HAUS7: variants seen among roughly 807,000 people sequenced by gnomAD.
HAUS7 encodes HAUS augmin like complex subunit 7.
A neutral mutation model predicts 28.4 loss-of-function variants in HAUS7; 3 were observed. The observed-to-expected ratio is 0.11, with a 90% CI of 0.05 to 0.27. The LOEUF (loss-of-function observed/expected upper bound fraction) is 0.27, where lower values mean the gene tolerates loss of function less well. HAUS7 is among the 10% of genes least tolerant of loss of function. HAUS7 has a pLI of 1.00. For missense variants in HAUS7, 284 were observed against 297.3 expected, an observed-to-expected ratio of 0.96 and a Z score of 0.33; for synonymous variants, 165 against 132.1, an observed-to-expected ratio of 1.25 and a Z score of -1.71.
chrX:153,493,693 G>T (rs1380425321), intron 1 of HAUS7, among the ~76,000 whole-genome samples: 1 of 111,345 alleles, frequency 9.0e-6, no homozygotes, highest in African/African-American at 3.3e-5. Context: ...TGCGTCCCAG[G>T]TCCTAGCCAG....
intron 9 of HAUS7, among the ~76,000 whole-genome samples, chrX:153,451,685 G>A (rs1556981095): frequency 8.9e-6 from 1 of 112,344 alleles, no homozygotes; most frequent in East Asian, 2.8e-4. Flanking sequence ...GTGCATAATA[G>A]CCGGGGCAAA....
rs1556982475 is a variant in HAUS7, at chrX:153,457,214, G to A, written c.369C>T (p.Ala123=). Residue 123 remains alanine (A), a synonymous_variant, in exon 5 of 10, where the codon GCC becomes GCT. Coordinates refer to ENST00000370211, the MANE Select transcript of HAUS7 (RefSeq NM_001385482.1). ...GGTCCATGAAGTGTAGCTGCTTCTG[G>A]GCGCAGGCACAGCCCTGGGCAAGGA... ...DQELLKGCAC[A]QKQLHFMDQL... The A allele has an allele frequency of 2.5e-6, 3 of 1,192,427 alleles. No individual in the cohort carries two copies. The highest frequency in any genetic ancestry group is 1.8e-5 in the South Asian group (1 of 56,534).
At chrX:153,469,887 G>C (rs1468329403) in intron 1 of HAUS7, among the ~76,000 whole-genome samples, 1 of 111,169 alleles carries the variant, frequency 9.0e-6, no homozygotes, top group Non-Finnish European at 1.9e-5. Flanking sequence ...TGAGCCAGTC[G>C]CGGACAGGAT....
At chrX:153,451,153 C>T (rs1473305493) in intron 9 of HAUS7, among the ~76,000 whole-genome samples, 1 of 112,109 alleles carries the variant, frequency 8.9e-6, no homozygotes, top group Non-Finnish European at 1.9e-5. Context: ...CCAGTTCACA[C>T]GGCCTGGATG....
intron 2 of HAUS7, among the ~76,000 whole-genome samples, chrX:153,468,725 C>T (rs2089483806): frequency 2.7e-5 from 3 of 112,158 alleles, no homozygotes; most frequent in African/African-American, 6.5e-5. Context: ...GGAGCCCACG[C>T]CCTGGCCCTG....
At chrX:153,474,147 A>G (rs782601499), upstream of HAUS7, among the ~76,000 whole-genome samples, 13 of 111,917 alleles carry the variant, frequency 1.2e-4, no homozygotes, top group Admixed American at 3.7e-4. Flanking sequence ...TGAAGACTCA[A>G]CTCTACAACG....
At chrX:153,491,606 G>A (rs1309418571) in intron 1 of HAUS7, among the ~76,000 whole-genome samples, 1 of 113,143 alleles carries the variant, frequency 8.8e-6, no homozygotes, top group Non-Finnish European at 1.9e-5. Flanking sequence ...CGTCCTGGGC[G>A]CTGTCCCAGG....
chrX:153,466,797 C>T (rs1307725475), intron 2 of HAUS7, among the ~76,000 whole-genome samples: 1 of 112,360 alleles, frequency 8.9e-6, no homozygotes, highest in African/African-American at 3.2e-5. Flanking sequence ...ACCTGAAATG[C>T]TCCAAAATCC....
upstream of HAUS7, among the ~76,000 whole-genome samples, chrX:153,475,008 G>A (rs1182451575): frequency 2.7e-5 from 3 of 111,693 alleles, no homozygotes; most frequent in Non-Finnish European, 5.7e-5. Flanking sequence ...AGGGCCGGCC[G>A]GGGGAGGGGG....
intron 1 of HAUS7, among the ~76,000 whole-genome samples, chrX:153,494,190 C>T (rs1317843619): frequency 1.8e-5 from 2 of 111,988 alleles, no homozygotes; most frequent in African/African-American, 3.2e-5. Context: ...GGTTAGCCCC[C>T]GTAAGTGACC....
intron 1 of HAUS7, among the ~76,000 whole-genome samples, chrX:153,492,881 C>G (rs782347481): frequency 8.9e-6 from 1 of 111,860 alleles, no homozygotes; most frequent in South Asian, 3.7e-4. Flanking sequence ...GTTTCACCCC[C>G]ACTGGGACTC....
At chrX:153,465,462 C>T (rs7891172) in intron 2 of HAUS7, among the ~76,000 whole-genome samples, 1 of 111,787 alleles carries the variant, frequency 8.9e-6, no homozygotes, top group Non-Finnish European at 1.9e-5. Flanking sequence ...TCGCCTGGGT[C>T]GGCATCAACT....
intron 3 of HAUS7, among the ~76,000 whole-genome samples, chrX:153,464,415 G>A (rs2089431771): frequency 8.9e-6 from 1 of 112,478 alleles, no homozygotes; most frequent in African/African-American, 3.2e-5. Flanking sequence ...ATGTGGCAAT[G>A]CCAGCTGGGG....
At chrX:153,455,499 CAGGGGAGGGGGCGGTTAG>C in intron 8 of HAUS7, 25 bp downstream of exon 8, 1 of 876,837 alleles carries the variant, frequency 1.1e-6, no homozygotes, top group Non-Finnish European at 1.7e-6. Flanking sequence ...TCTGAGTGAA[CAGGGGAGGGGGCGGTTAG>C]AGGGGAGGGG....
At chrX:153,481,129 C>G (rs1443957434) in intron 1 of HAUS7, 18 of 550,867 alleles carry the variant, frequency 3.3e-5, no homozygotes, top group Non-Finnish European at 4.0e-5. Context: ...AGCCAAGTGC[C>G]CTCGTGTGTG....
chrX:153,467,695 G>A (rs376052350), intron 2 of HAUS7, among the ~76,000 whole-genome samples: 1 of 112,593 alleles, frequency 8.9e-6, no homozygotes, highest in Non-Finnish European at 1.9e-5. Flanking sequence ...ACCCAGTCAC[G>A]TCTGCAGCGC....
chrX:153,475,612 C>T (rs1433560338), intron 1 of HAUS7, among the ~76,000 whole-genome samples: 1 of 112,333 alleles, frequency 8.9e-6, no homozygotes, highest in African/African-American at 3.2e-5. Context: ...GGAAAGGCCC[C>T]ATATTGTTAC....
intron 1 of HAUS7, among the ~76,000 whole-genome samples, chrX:153,484,968 C>T (rs1357671604): frequency 8.9e-6 from 1 of 112,980 alleles, no homozygotes; most frequent in East Asian, 2.8e-4. Flanking sequence ...CAAGAGAAGC[C>T]TTCCCTGCTC....
intron 1 of HAUS7, among the ~76,000 whole-genome samples, chrX:153,493,673 C>T (rs2089686030): frequency 9.0e-6 from 1 of 111,648 alleles, no homozygotes; most frequent in Admixed American, 9.4e-5. Context: ...ACAGTTTGGT[C>T]AAGGTGCCAT....
Sources: allele counts gnomAD v4.1 joint callset (sites outside exome capture counted in the v4.1 genomes callset), GRCh38; gene constraint gnomAD v4.1.1; transcripts MANE v1.5; gene names NCBI Gene and HGNC (gene_info 2026-07-23, HGNC 2026-07-21).